DRD3: variants seen among roughly 807,000 people sequenced by gnomAD.
DRD3 encodes the protein D(3) dopamine receptor.
Under a neutral mutation model 36.3 loss-of-function variants are expected in DRD3, and 19 were observed. The ratio of observed to expected loss-of-function variants is 0.52; its 90% confidence interval spans 0.36 to 0.77. The LOEUF is 0.77. DRD3 is among the 30% of genes least tolerant of loss of function. The probability of loss-of-function intolerance (pLI) is 0.00; values close to 1 mark genes in which losing one functional copy is unlikely to be tolerated. For missense variants in DRD3, 465 were observed against 505.3 expected (o/e 0.92, Z 0.77); for synonymous variants, 195 against 203.7 (o/e 0.96, Z 0.36).
At chr3:114,159,900 C>G in intron 2 of DRD3, 33 bp from the exon 3 acceptor site, 1 of 1,599,296 alleles carries the variant, frequency 6.3e-7, no homozygotes, top group Non-Finnish European at 8.6e-7. Flanking sequence ...TTAGTGTTTA[C>G]CCCAGTGAAG....
At chr3:114,129,341 T>G (rs1374124879) in intron 6 of DRD3, among the ~76,000 whole-genome samples, 1 of 151,670 alleles carries the variant, frequency 6.6e-6, no homozygotes, top group Non-Finnish European at 1.5e-5. Flanking sequence ...ATACTCCATC[T>G]CAAAAAAAAC....
upstream of DRD3, among the ~76,000 whole-genome samples, chr3:114,183,601 C>T (rs1254886830): frequency 6.6e-6 from 1 of 151,902 alleles, no homozygotes; most frequent in Non-Finnish European, 1.5e-5. Flanking sequence ...GTATTTTGAT[C>T]GTCTGTTATG....
intron 3 of DRD3, among the ~76,000 whole-genome samples, chr3:114,152,489 G>A (rs538370197): frequency 6.6e-6 from 1 of 152,336 alleles, no homozygotes; most frequent in Admixed American, 6.5e-5. Context: ...ATTTAACACT[G>A]TTACAGTAAT....
chr3:114,150,653 TACCAATGGCTCA>T (rs2077608783), intron 3 of DRD3, among the ~76,000 whole-genome samples: 1 of 152,248 alleles, frequency 6.6e-6, no homozygotes, highest in African/African-American at 2.4e-5. Flanking sequence ...AAGCTGGATC[TACCAATGGCTCA>T]ACATTTTTTG....
upstream of DRD3, among the ~76,000 whole-genome samples, chr3:114,180,756 C>A (rs2077942782): frequency 6.6e-6 from 1 of 152,132 alleles, no homozygotes; most frequent in Non-Finnish European, 1.5e-5. Context: ...CTATATTGAA[C>A]ATGCCCTAAG....
chr3:114,131,038 C>T lies in DRD3; in HGVS notation c.1006+80G>A, dbSNP rs78841538. Reference sequence around the variant, plus strand: ...ATAAGTATTACTGTCATCAAATTTCCGATAGCATCTTCTACCAGCTCCACT... The same window carrying T: ...ATAAGTATTACTGTCATCAAATTTCTGATAGCATCTTCTACCAGCTCCACT... On this transcript the variant is annotated intron_variant, in intron 6 of 6. Transcript: ENST00000383673. The T allele has an allele frequency of 9.4e-3, 13,953 of 1,487,856 alleles. 92 individuals are homozygous for T. The highest frequency in any genetic ancestry group is 0.011 in the Non-Finnish European group (12,306 of 1,101,438). 92.2% of individuals were successfully genotyped at this position (1,487,856 alleles called of 1,614,324 possible).
intron 1 of DRD3, among the ~76,000 whole-genome samples, chr3:114,190,271 G>A (rs1043332361): frequency 7.3e-5 from 11 of 150,976 alleles, no homozygotes; most frequent in African/African-American, 2.7e-4. Context: ...TCTTTGCCAA[G>A]CAAAAATATG....
upstream of DRD3, among the ~76,000 whole-genome samples, chr3:114,182,206 T>C (rs1422525082): frequency 6.6e-6 from 1 of 152,214 alleles, no homozygotes; most frequent in Admixed American, 6.5e-5. Flanking sequence ...CCTTAGCCCC[T>C]GTTCCTCTCC....
intron 1 of DRD3, among the ~76,000 whole-genome samples, chr3:114,194,280 TTTTG>T (rs1218205178): frequency 6.6e-6 from 1 of 151,944 alleles, no homozygotes; most frequent in African/African-American, 2.4e-5. Flanking sequence ...TGAATCCATT[TTTTG>T]TTTGTTTTTG....
chr3:114,159,887 A>T lies in DRD3; in HGVS notation c.271-20T>A. The stretch of plus-strand genomic sequence containing the variant: ...TGTCACCTGGGTATCAGAGACAAGG[A>T]TGTTAGTGTTTACCCCAGTGAAGGA... On this transcript the variant is annotated intron_variant, in intron 2 of 6. Coordinates refer to ENST00000383673, the MANE Select transcript of DRD3 (RefSeq NM_000796.6). The T allele has an allele frequency of 6.2e-7, 1 of 1,609,204 alleles. No individual in the cohort carries two copies. The highest frequency in any genetic ancestry group is 8.5e-7 in the Non-Finnish European group (1 of 1,175,572).
At chr3:114,192,314 T>C (rs1235463386) in intron 1 of DRD3, among the ~76,000 whole-genome samples, 1 of 152,124 alleles carries the variant, frequency 6.6e-6, no homozygotes, top group Non-Finnish European at 1.5e-5. Context: ...TCCCTGCAAG[T>C]CTGATTTATA....
At chr3:114,185,532 T>A (rs2077970527) in intron 1 of DRD3, among the ~76,000 whole-genome samples, 2 of 152,202 alleles carry the variant, frequency 1.3e-5, no homozygotes, top group African/African-American at 4.8e-5. Context: ...ACATCTTCTT[T>A]TAGTTCTTTG....
rs566740507 is a variant in DRD3, at chr3:114,173,735, T to C, written c.-35-1708A>G. ...GGCCTTCCATGTTGTTACGAAGGTG[T>C]ATTTGTCAAGGTGGGAGGATGAAAC... On this transcript the variant is annotated intron_variant, in intron 1 of 6. Transcript: ENST00000383673. Among the ~76,000 whole-genome samples, 7 of 152,338 alleles carry C rather than the reference T, an allele frequency of 4.6e-5. 1 individual carries two copies. The highest frequency in any genetic ancestry group is 1.4e-4 in the African/African-American group (6 of 41,564).
chr3:114,177,766 C>T (rs192760522), intron 1 of DRD3, among the ~76,000 whole-genome samples: 2 of 152,200 alleles, frequency 1.3e-5, no homozygotes, highest in East Asian at 1.9e-4. Flanking sequence ...AAATGAGTGC[C>T]GAGTAAGAAT....
At chr3:114,175,725 T>C (rs568169661) in intron 1 of DRD3, among the ~76,000 whole-genome samples, 1 of 152,256 alleles carries the variant, frequency 6.6e-6, no homozygotes, top group Admixed American at 6.5e-5. Context: ...GAGTTGAGGG[T>C]TTCCCTTTGT....
intron 2 of DRD3, among the ~76,000 whole-genome samples, chr3:114,166,301 T>C (rs2077784263): frequency 6.6e-6 from 1 of 152,142 alleles, no homozygotes; most frequent in Non-Finnish European, 1.5e-5. Flanking sequence ...TTTGTATTTT[T>C]AACAAGCAGT....
rs886057788 is a variant in DRD3 at position 114,128,768 on chromosome 3, G to T, written c.1151C>A (p.Thr384Asn). Residue 384 changes from threonine (T) to asparagine (N), a missense_variant, in exon 7 of 7, where the codon ACC becomes AAC. By Grantham distance (65) the Thr-to-Asn change is moderately conservative (BLOSUM62 0). Coordinates refer to ENST00000383673, the MANE Select transcript of DRD3 (RefSeq NM_000796.6). ...TTTCCGGAACTCGATATTGAAGGTGGTATAGATCACAGGGTTGAGGGCGCT... is the reference window on the plus strand; with the variant it reads ...TTTCCGGAACTCGATATTGAAGGTGTTATAGATCACAGGGTTGAGGGCGCT... ...VNSALNPVIY[T>N]TFNIEFRKAF... 6.2e-7 allele frequency: 1 copy of T among 1,613,600 alleles called. No individual in the cohort carries two copies. Among genetic ancestry groups the T allele is most frequent in the Non-Finnish European group, 8.5e-7 (1 of 1,179,788 alleles).
intron 4 of DRD3, among the ~76,000 whole-genome samples, chr3:114,144,096 C>G (rs1181196708): frequency 6.6e-6 from 1 of 152,204 alleles, no homozygotes; most frequent in Non-Finnish European, 1.5e-5. Flanking sequence ...GGAGTTAAGG[C>G]AACCCTGGCC....
intron 1 of DRD3, among the ~76,000 whole-genome samples, chr3:114,197,587 T>TA (rs1179729292): frequency 6.8e-6 from 1 of 147,368 alleles, no homozygotes; most frequent in East Asian, 2.1e-4. Context: ...GTTTTAATCT[T>TA]AAATTTATTA....
Sources: gnomAD v4.1 joint callset for allele counts (sites outside exome capture counted in the v4.1 genomes callset) on GRCh38, gnomAD v4.1.1 for gene constraint, MANE v1.5 for transcripts, NCBI Gene and HGNC (gene_info 2026-07-23, HGNC 2026-07-21) for gene names.